The following TCF20 variants were observed in gnomAD, a reference collection of about 807,000 sequenced individuals.
The protein encoded by TCF20 is transcription factor 20.
Under a neutral mutation model 148.6 loss-of-function variants are expected in TCF20, and 3 were observed. That is an observed-to-expected ratio of 0.02 (90% CI 0.01 to 0.05). TCF20 has a LOEUF of 0.05. Among genes scored for constraint, TCF20 ranks in the 10% least tolerant of loss-of-function variants. TCF20 has a pLI of 1.00. For missense variants in TCF20, 2,350 were observed against 2,429.3 expected, an observed-to-expected ratio of 0.97 and a Z score of 0.69; for synonymous variants, 1,049 against 909.5, an observed-to-expected ratio of 1.15 and a Z score of -2.76.
chr22:42,200,986 C>T (rs1937970936), intron 2 of TCF20, among the ~76,000 whole-genome samples: 1 of 152,222 alleles, frequency 6.6e-6, no homozygotes. Flanking sequence ...AACTGTAGCA[C>T]CCAATGCTGG....
At chr22:42,224,822 C>T (rs116678262) in intron 1 of TCF20, among the ~76,000 whole-genome samples, 2,627 of 152,146 alleles carry the variant, frequency 0.017, 84 homozygotes, top group African/African-American at 0.06. Flanking sequence ...CTCACGTAAA[C>T]TTATACCTGT....
intron 1 of TCF20, among the ~76,000 whole-genome samples, chr22:42,260,123 CAG>C (rs1054754327): frequency 1.2e-4 from 19 of 152,222 alleles, no homozygotes; most frequent in African/African-American, 4.6e-4. Context: ...GAATGACAAA[CAG>C]AAACAACTCA....
chr22:42,289,065 C>T (rs569401234), intron 1 of TCF20, among the ~76,000 whole-genome samples: 4 of 152,300 alleles, frequency 2.6e-5, no homozygotes, highest in South Asian at 2.1e-4. Flanking sequence ...AGCAGTCAGG[C>T]GGGGGCCGAT....
At chr22:42,278,849 G>A (rs1926839688) in intron 1 of TCF20, 1 of 152,276 alleles carries the variant, frequency 6.6e-6, no homozygotes, top group South Asian at 2.1e-4. Context: ...AGATCACACG[G>A]CAGGTGAGTG....
At chr22:42,336,352 C>T (rs771406532) in intron 1 of TCF20, among the ~76,000 whole-genome samples, 1 of 152,076 alleles carries the variant, frequency 6.6e-6, no homozygotes, top group Non-Finnish European at 1.5e-5. Flanking sequence ...CGCCCCCTCT[C>T]CCCTTGGATG....
chr22:42,206,569 T>A (rs1458213197), intron 2 of TCF20, among the ~76,000 whole-genome samples: 1 of 152,190 alleles, frequency 6.6e-6, no homozygotes, highest in Non-Finnish European at 1.5e-5. Context: ...TACATCCTCC[T>A]AGGATCTTTG....
intron 1 of TCF20, among the ~76,000 whole-genome samples, chr22:42,307,965 G>T (rs1032845892): frequency 6.6e-6 from 1 of 152,232 alleles, no homozygotes; most frequent in Non-Finnish European, 1.5e-5. Context: ...TATTATAATG[G>T]CCTTGGCCAA....
chr22:42,252,966 A>G (rs566408565), intron 1 of TCF20, among the ~76,000 whole-genome samples: 17 of 152,236 alleles, frequency 1.1e-4, no homozygotes, highest in Admixed American at 9.2e-4. Flanking sequence ...TATGAAGTAT[A>G]TAGTATATAT....
intron 1 of TCF20, among the ~76,000 whole-genome samples, chr22:42,303,364 C>T (rs1226704832): frequency 6.6e-6 from 1 of 152,250 alleles, no homozygotes; most frequent in African/African-American, 2.4e-5. Flanking sequence ...CAGAGAGGTC[C>T]GGCTCAGGCC....
chr22:42,334,365 A>C (rs1261237862), intron 1 of TCF20, among the ~76,000 whole-genome samples: 2 of 142,148 alleles, frequency 1.4e-5, no homozygotes, highest in Admixed American at 7.1e-5. Flanking sequence ...ATGAGGAGTC[A>C]AGAAGCAGCT....
rs773999477 is a variant in TCF20, at chr22:42,215,203, C to T, written c.103G>A (p.Ala35Thr). 4 of 1,614,196 alleles carry T rather than the reference C, an allele frequency of 2.5e-6. No individual in the cohort carries two copies. In the South Asian group the frequency reaches 4.4e-5, roughly 18 times the overall value. Reference sequence around the variant, plus strand: ...CCTCCAAAATTCTGGAACATCTGGGCCTGACGAGGGCTGAACTCTTCTAGC... The same window carrying T: ...CCTCCAAAATTCTGGAACATCTGGGTCTGACGAGGGCTGAACTCTTCTAGC... ...SRLEEFSPRQ[A>T]QMFQNFGGTG... The change falls in exon 2 of 6, where the codon GCC becomes ACC. Residue 35 changes from alanine (A) to threonine (T), a missense_variant. Physicochemically the swap from Ala to Thr is moderately conservative, Grantham distance 58. Transcript: ENST00000677622.
chr22:42,253,279 A>G (rs1391966763), intron 1 of TCF20, among the ~76,000 whole-genome samples: 1 of 152,224 alleles, frequency 6.6e-6, no homozygotes, highest in African/African-American at 2.4e-5. Flanking sequence ...GTGACTTCAC[A>G]TTAGTAGAGA....
intron 1 of TCF20, among the ~76,000 whole-genome samples, chr22:42,319,206 G>A (rs995228038): frequency 8.5e-5 from 13 of 152,188 alleles, no homozygotes; most frequent in Admixed American, 5.9e-4. Flanking sequence ...AGGCTTGAAG[G>A]GTGAAGACTT....
Position 42,161,284 on chromosome 22 carries a change from A to C in TCF20, c.*119T>G. 1 of 1,611,040 alleles carries C rather than the reference A, an allele frequency of 6.2e-7. No homozygotes were observed. The highest frequency in any genetic ancestry group is 8.5e-7 in the Non-Finnish European group (1 of 1,178,712). ...CGGGCGGGGCGGGGCGGGGCAGGGC[A>C]GGGTGTGGCTGCACGGTAGGACGAT... is the stretch of plus-strand genomic sequence containing the variant. On this transcript the variant is annotated 3_prime_UTR_variant, in exon 6 of 6. Transcript: ENST00000677622.
In TCF20 at chr22:42,174,758, A is replaced by G. The variant is rs12157870; in HGVS notation, c.5749+4851T>C. On this transcript the variant is annotated intron_variant, in intron 3 of 5. Transcript: ENST00000677622. ...TCACTTAAAAGCCATTTTCTTGGCC[A>G]GGCGCGGTGGCTCACGCCTGTAATC... Among the ~76,000 whole-genome samples, 346 of 151,880 alleles carry G rather than the reference A, an allele frequency of 2.3e-3. 1 individual carries two copies. The highest frequency in any genetic ancestry group is 7.2e-3 in the African/African-American group (298 of 41,422).
intron 1 of TCF20, among the ~76,000 whole-genome samples, chr22:42,228,623 A>C (rs571261949): frequency 6.6e-6 from 1 of 152,356 alleles, no homozygotes; most frequent in African/African-American, 2.4e-5. Flanking sequence ...GAGGCTGGTA[A>C]AGGGAATCAA....
At chr22:42,333,035 A>G (rs1254821646) in intron 1 of TCF20, among the ~76,000 whole-genome samples, 1 of 152,232 alleles carries the variant, frequency 6.6e-6, no homozygotes, top group Non-Finnish European at 1.5e-5. Context: ...AGAAGTGTGC[A>G]CTTTTCTGTA....
At chr22:42,215,726 C>T (rs1921700053) in intron 1 of TCF20, among the ~76,000 whole-genome samples, 1 of 152,130 alleles carries the variant, frequency 6.6e-6, no homozygotes, top group East Asian at 1.9e-4. Flanking sequence ...CCACCTCGGC[C>T]TCCCAAAGTG....
At chr22:42,227,847 C>T (rs1016437901) in intron 1 of TCF20, among the ~76,000 whole-genome samples, 1 of 152,216 alleles carries the variant, frequency 6.6e-6, no homozygotes, top group African/African-American at 2.4e-5. Context: ...AAGAAGAAGA[C>T]TGATGGCAAC....
Sources: gnomAD v4.1 joint callset for allele counts (sites outside exome capture counted in the v4.1 genomes callset) on GRCh38, gnomAD v4.1.1 for gene constraint, MANE v1.5 for transcripts, NCBI Gene and HGNC (gene_info 2026-07-23, HGNC 2026-07-21) for gene names.